Variants in NRG3 observed in about 807,000 individuals in gnomAD.
NRG3 encodes the protein pro-neuregulin-3, membrane-bound isoform.
In NRG3, 31 loss-of-function variants were observed where a neutral mutation model predicts 66.9. That is an observed-to-expected ratio of 0.46 (90% CI 0.35 to 0.63). NRG3 has a LOEUF of 0.63. Among genes scored for constraint, NRG3 ranks in the 20% least tolerant of loss-of-function variants. The pLI, the probability that NRG3 is intolerant of heterozygous loss-of-function variation, is 0.00. For missense variants in NRG3, 910 were observed against 878.9 expected, an observed-to-expected ratio of 1.04 and a Z score of -0.45; for synonymous variants, 393 against 359.4, an observed-to-expected ratio of 1.09 and a Z score of -1.06.
At chr10:82,504,174 C>T (rs141399598) in intron 2 of NRG3, among the ~76,000 whole-genome samples, 1 of 152,152 alleles carries the variant, frequency 6.6e-6, no homozygotes. Flanking sequence ...GTTTCTATAA[C>T]TCTGTGCCCT....
At position 82,695,157 on chromosome 10, in the gene NRG3, C is replaced by T. The variant is rs138768746; in HGVS notation, c.954-43420C>T. The stretch of plus-strand genomic sequence containing the variant: ...TGAATAACTTCCAAATTTTCTGCAG[C>T]GAGCCTGTATCAATTTAAAATCAGA... On this transcript the variant is annotated intron_variant, in intron 2 of 8. Coordinates refer to ENST00000372141, the MANE Select transcript of NRG3 (RefSeq NM_001010848.4). 7.4e-3 allele frequency among the ~76,000 whole-genome samples: 1,119 copies of T among 152,120 alleles called. 7 individuals carry two copies. The highest frequency in any genetic ancestry group is 0.014 in the Admixed American group (211 of 15,250).
At chr10:82,312,898 T>C (rs2135004488) in intron 1 of NRG3, among the ~76,000 whole-genome samples, 1 of 152,288 alleles carries the variant, frequency 6.6e-6, no homozygotes, top group South Asian at 2.1e-4. Context: ...AATTGTTGGC[T>C]GTCAACGGTG....
At chr10:82,651,869 C>T (rs2051442416) in intron 2 of NRG3, among the ~76,000 whole-genome samples, 1 of 152,198 alleles carries the variant, frequency 6.6e-6, no homozygotes. Flanking sequence ...GACTGCATCC[C>T]AGTTGACATT....
At chr10:82,092,476 C>A (rs922740585) in intron 1 of NRG3, among the ~76,000 whole-genome samples, 2 of 152,108 alleles carry the variant, frequency 1.3e-5, no homozygotes, top group African/African-American at 2.4e-5. Context: ...CACCCACCCC[C>A]TACCCAAGAT....
chr10:82,050,208 A>G (rs1171523441), intron 1 of NRG3, among the ~76,000 whole-genome samples: 1 of 152,008 alleles, frequency 6.6e-6, no homozygotes, highest in African/African-American at 2.4e-5. Context: ...CTTCAACCTC[A>G]TCCTTCATTT....
At chr10:82,245,085 A>T (rs1313301857) in intron 1 of NRG3, among the ~76,000 whole-genome samples, 1 of 151,904 alleles carries the variant, frequency 6.6e-6, no homozygotes, top group African/African-American at 2.4e-5. Flanking sequence ...TGTAACATAC[A>T]ATGAAATAAT....
intron 1 of NRG3, among the ~76,000 whole-genome samples, chr10:81,894,830 C>T (rs1449362551): frequency 6.6e-6 from 1 of 152,134 alleles, no homozygotes; most frequent in Non-Finnish European, 1.5e-5. Flanking sequence ...CTGCTCTGCA[C>T]CTGGGCCTTG....
At chr10:82,732,328 G>GTCTT (rs2057952055) in intron 2 of NRG3, among the ~76,000 whole-genome samples, 1 of 151,908 alleles carries the variant, frequency 6.6e-6, no homozygotes, top group African/African-American at 2.4e-5. Flanking sequence ...ACAAATCTAG[G>GTCTT]TCTTTCATTT....
chr10:82,289,564 A>G (rs57867086), intron 1 of NRG3, among the ~76,000 whole-genome samples: 2,607 of 152,322 alleles, frequency 0.017, 78 homozygotes, highest in African/African-American at 0.059. Context: ...TGTTTTCTTG[A>G]GATGAGATAA....
chr10:82,737,443 C>T (rs1352877186), intron 2 of NRG3, among the ~76,000 whole-genome samples: 6 of 152,170 alleles, frequency 3.9e-5, no homozygotes, highest in South Asian at 2.1e-4. Context: ...GAACTCACGA[C>T]GCATGGTTCC....
chr10:82,109,800 G>A (rs953669169), intron 1 of NRG3, among the ~76,000 whole-genome samples: 1 of 152,056 alleles, frequency 6.6e-6, no homozygotes, highest in African/African-American at 2.4e-5. Context: ...TTCAAATTCA[G>A]TACTAGTATC....
intron 2 of NRG3, among the ~76,000 whole-genome samples, chr10:82,677,421 G>C (rs1042771412): frequency 4.6e-5 from 7 of 152,096 alleles, no homozygotes; most frequent in African/African-American, 1.4e-4. Flanking sequence ...ATCAGTTTCA[G>C]ACTATGCACT....
At chr10:82,293,436 G>A (rs1408178687) in intron 1 of NRG3, among the ~76,000 whole-genome samples, 1 of 152,144 alleles carries the variant, frequency 6.6e-6, no homozygotes, top group African/African-American at 2.4e-5. Context: ...GAGCCATCAT[G>A]AAATTGTGTT....
chr10:82,848,611 A>G (rs529796130), intron 3 of NRG3, among the ~76,000 whole-genome samples: 37 of 152,284 alleles, frequency 2.4e-4, no homozygotes, highest in African/African-American at 8.9e-4. Context: ...TGATTGTGTT[A>G]TGAATTATGA....
intron 1 of NRG3, among the ~76,000 whole-genome samples, chr10:82,324,493 T>G (rs550263692): frequency 3.3e-5 from 5 of 152,262 alleles, no homozygotes; most frequent in Admixed American, 2.6e-4. Context: ...TTTTTCTTTT[T>G]TAATATGGAA....
chr10:82,576,382 T>A (rs1322273517), intron 2 of NRG3, among the ~76,000 whole-genome samples: 1 of 150,710 alleles, frequency 6.6e-6, no homozygotes, highest in African/African-American at 2.4e-5. Context: ...CAAAAAAAAA[T>A]AATTCCTGCT....
chr10:82,138,955 G>C (rs1351618026), intron 1 of NRG3, among the ~76,000 whole-genome samples: 1 of 152,076 alleles, frequency 6.6e-6, no homozygotes. Flanking sequence ...TCTGTCCACT[G>C]ACTCAAATGT....
At chr10:82,179,604 A>T in intron 1 of NRG3, among the ~76,000 whole-genome samples, 1 of 152,000 alleles carries the variant, frequency 6.6e-6, no homozygotes, top group East Asian at 1.9e-4. Flanking sequence ...CCTTGACTAT[A>T]TGTTTGTCTT....
intron 1 of NRG3, among the ~76,000 whole-genome samples, chr10:82,021,987 C>CA (rs2062083496): frequency 6.8e-6 from 1 of 146,710 alleles, no homozygotes; most frequent in African/African-American, 2.5e-5. Flanking sequence ...ACATTGGATG[C>CA]TTTTTTTTTT....
Sources: gnomAD v4.1 joint callset for allele counts (sites outside exome capture counted in the v4.1 genomes callset) on GRCh38, gnomAD v4.1.1 for gene constraint, MANE v1.5 for transcripts, NCBI Gene and HGNC (gene_info 2026-07-23, HGNC 2026-07-21) for gene names.